Variants in AMPD3 observed in about 807,000 individuals in gnomAD.
The protein encoded by AMPD3 is AMP deaminase 3.
A neutral mutation model predicts 82.3 loss-of-function variants in AMPD3; 57 were observed. The ratio of observed to expected loss-of-function variants is 0.69; its 90% CI spans 0.56 to 0.86. AMPD3 has a LOEUF of 0.86. AMPD3 is among the 40% of genes least tolerant of loss of function. The pLI is 0.00. For missense variants in AMPD3, 870 were observed against 1,003.8 expected, an observed-to-expected ratio of 0.87 and a Z score of 1.80; for synonymous variants, 381 against 394.7, an observed-to-expected ratio of 0.97 and a Z score of 0.41.
intron 2 of AMPD3, 23 bp from the exon 3 acceptor site, chr11:10,478,502 CT>C (rs1848806066): frequency 1.9e-6 from 3 of 1,613,756 alleles, no homozygotes; most frequent in Non-Finnish European, 2.5e-6. Flanking sequence ...ATGTCTCCCA[CT>C]TTTCCTTGTC....
chr11:10,473,143 G>A (rs1169394566), intron 2 of AMPD3, among the ~76,000 whole-genome samples: 6 of 152,166 alleles, frequency 3.9e-5, no homozygotes, highest in Non-Finnish European at 7.3e-5. Flanking sequence ...GGTGGTGTGC[G>A]CCTATGGTTC....
At chr11:10,489,636 G>A (rs191634063) in intron 6 of AMPD3, among the ~76,000 whole-genome samples, 1 of 151,810 alleles carries the variant, frequency 6.6e-6, no homozygotes, top group Non-Finnish European at 1.5e-5. Flanking sequence ...CTATGAGTCA[G>A]GTCTGTGCCC....
chr11:10,502,609 G>A (rs1564858623), intron 12 of AMPD3, 112 bp from the exon 13 acceptor site: 1 of 1,592,062 alleles, frequency 6.3e-7, no homozygotes, highest in South Asian at 1.1e-5. Flanking sequence ...GGCAGACATG[G>A]TTCAGACCCC....
chr11:10,459,482 G>A (rs980049615), intron 1 of AMPD3, among the ~76,000 whole-genome samples: 3 of 152,124 alleles, frequency 2.0e-5, no homozygotes, highest in African/African-American at 7.2e-5. Context: ...GAGAATGACT[G>A]TCCCAAGATG....
chr11:10,458,842 G>A (rs1233667542), intron 1 of AMPD3, among the ~76,000 whole-genome samples: 1 of 152,104 alleles, frequency 6.6e-6, no homozygotes, highest in African/African-American at 2.4e-5. Context: ...GGTGCTTTAT[G>A]GCATTTGCGG....
chr11:10,461,815 T>C (rs1848279500), intron 2 of AMPD3, 75 bp downstream of exon 2: 1 of 1,411,696 alleles, frequency 7.1e-7, no homozygotes, highest in South Asian at 1.2e-5. Context: ...TGTGTCCTGA[T>C]ATGAGGCACC....
chr11:10,459,917 C>A (rs1383343214), intron 1 of AMPD3, among the ~76,000 whole-genome samples: 5 of 151,658 alleles, frequency 3.3e-5, no homozygotes, highest in South Asian at 2.1e-4. Context: ...AAAAGTGTGA[C>A]CCTGGGCATG....
chr11:10,500,401 C>A lies in AMPD3; in HGVS notation c.1721+152C>A, dbSNP rs3741038. ...ATGTGCCCACACACCTCAAAACACA[C>A]AGCACTTTCCAGCCTGCTATATGAG... On this transcript the variant is annotated intron_variant, in intron 11 of 14. Coordinates refer to ENST00000396553, the MANE Select transcript of AMPD3 (RefSeq NM_001025389.2). 1.4e-4 allele frequency: 163 copies of A among 1,152,680 alleles called. 1 individual carries two copies. In the South Asian group the frequency reaches 2.1e-3, roughly 15 times the overall value. The allele number at this position is 1,152,680 out of a possible 1,614,324, so 71.4% of individuals were successfully genotyped here. A position where few individuals can be genotyped will look rare whatever the true frequency, so the allele number is the denominator to read the frequency against.
chr11:10,467,278 T>C (rs1170387444), intron 2 of AMPD3, among the ~76,000 whole-genome samples: 4 of 152,172 alleles, frequency 2.6e-5, no homozygotes, highest in Middle Eastern at 3.4e-3. Context: ...GAAAAAAGGA[T>C]AGATGAATTG....
intron 2 of AMPD3, chr11:10,477,073 G>T: frequency 1.0e-6 from 1 of 985,464 alleles, no homozygotes; most frequent in Non-Finnish European, 1.2e-6. Flanking sequence ...GTGTAAACAC[G>T]GGAGGAGAAC....
Position 10,496,823 on chromosome 11 carries a change from G to A in AMPD3, c.1442G>A (p.Arg481Lys). ...IQVPRIYDIF[R>K]SKKLLPNFGK... ...TTGCTGTCCCCCAGTGACATATTTA[G>A]GTCAAAGAAGCTGCTGCCAAACTTT... Residue 481 changes from arginine (R) to lysine (K), a missense_variant, in exon 10 of 15, where the codon AGG becomes AAG. Physicochemically the swap from Arg to Lys is conservative, Grantham distance 26. Transcript: ENST00000396553. 1 of 1,614,126 alleles carries A rather than the reference G, an allele frequency of 6.2e-7. No homozygotes were observed. Among genetic ancestry groups the A allele is most frequent in the Non-Finnish European group, 8.5e-7 (1 of 1,180,024 alleles).
In AMPD3 at chr11:10,456,286, C is replaced by T; in HGVS notation, c.-6+838C>T. 1.3e-6 allele frequency: 2 copies of T among 1,589,938 alleles called. No homozygotes were observed. The highest frequency in any genetic ancestry group is 1.7e-6 in the Non-Finnish European group (2 of 1,165,180). On this transcript the variant is annotated intron_variant, in intron 1 of 14. Coordinates refer to ENST00000396553, the MANE Select transcript of AMPD3 (RefSeq NM_001025389.2). This position sits in a 1 kb window ranked among gnomAD's most constrained non-coding sequence, Gnocchi z 4.3. ...CTCCTACTCCAGCCGGCAGACAGGA[C>T]CCAGCCAGCTGCACGCACGCACTGA...
At chr11:10,483,938 C>T (rs1848989778) in intron 4 of AMPD3, among the ~76,000 whole-genome samples, 1 of 152,202 alleles carries the variant, frequency 6.6e-6, no homozygotes. Flanking sequence ...GCCTCCAGCT[C>T]TACTGATATT....
chr11:10,484,121 G>T (rs564241990), intron 4 of AMPD3: 15 of 375,854 alleles, frequency 4.0e-5, no homozygotes, highest in African/African-American at 1.3e-4. Context: ...TTAAGGCAGG[G>T]GGTGTTATCT....
intron 2 of AMPD3, among the ~76,000 whole-genome samples, chr11:10,475,647 G>C (rs1848716996): frequency 6.6e-6 from 1 of 152,164 alleles, no homozygotes; most frequent in Non-Finnish European, 1.5e-5. Flanking sequence ...CCTTAAGATA[G>C]GGGGGTTATT....
intron 6 of AMPD3, among the ~76,000 whole-genome samples, chr11:10,492,865 TG>T (rs1240309226): frequency 1.3e-5 from 2 of 152,058 alleles, no homozygotes; most frequent in East Asian, 3.9e-4. Context: ...GATGAGATGG[TG>T]GAGAGAAAGG....
At position 10,456,492 on chromosome 11, in the gene AMPD3, T is replaced by C. The variant is rs1345560898; in HGVS notation, c.-6+1044T>C. 1.9e-6 allele frequency: 3 copies of C among 1,613,422 alleles called. No individual in the cohort carries two copies. Among genetic ancestry groups the C allele is most frequent in the Non-Finnish European group, 2.5e-6 (3 of 1,179,492 alleles). On this transcript the variant is annotated intron_variant, in intron 1 of 14. Coordinates refer to ENST00000396553, the MANE Select transcript of AMPD3 (RefSeq NM_001025389.2). This position sits in a 1 kb window ranked among gnomAD's most constrained non-coding sequence, Gnocchi z 4.3. The stretch of plus-strand genomic sequence containing the variant: ...GAGGGGATTTCAGTGGCACTGGGCT[T>C]CCTTTCTGGAGGGACTGTGGCACCA...
rs141991181 is a variant in AMPD3 at position 10,488,348 on chromosome 11, C to T, written c.939+984C>T. On this transcript the variant is annotated intron_variant, in intron 6 of 14. Coordinates refer to ENST00000396553, the MANE Select transcript of AMPD3 (RefSeq NM_001025389.2). ...GGTGGCTTTGAGGGAGAGGCCAGAA[C>T]TGAGCTGACTTAGAGTGAGTAGGAG... 4.3e-5 allele frequency: 42 copies of T among 985,406 alleles called. No homozygotes were observed. In the African/African-American group the frequency reaches 7.0e-4, roughly 16 times the overall value. 61.0% of individuals were successfully genotyped at this position (985,406 alleles called of 1,614,324 possible).
chr11:10,458,254 TAAAAAAAAAA>T (rs374036957), intron 1 of AMPD3, among the ~76,000 whole-genome samples: 3 of 91,462 alleles, frequency 3.3e-5, no homozygotes, highest in African/African-American at 4.5e-5. Context: ...ACCTCATCTC[TAAAAAAAAAA>T]AAAAAAAAAA....
Sources: gnomAD v4.1 joint callset for allele counts (sites outside exome capture counted in the v4.1 genomes callset) on GRCh38, gnomAD v4.1.1 for gene constraint, Gnocchi (gnomAD v3.1) non-coding constraint, MANE v1.5 for transcripts, NCBI Gene and HGNC (gene_info 2026-07-23, HGNC 2026-07-21) for gene names.